PCDHGC3: variants seen among roughly 807,000 people sequenced by gnomAD.
PCDHGC3 encodes protocadherin gamma subfamily C, 3.
In PCDHGC3, 26 loss-of-function variants were observed where a neutral mutation model predicts 59.2. The ratio of observed to expected loss-of-function variants is 0.44; its 90% CI spans 0.32 to 0.61. The LOEUF (loss-of-function observed/expected upper bound fraction) is 0.61. PCDHGC3 is among the 20% of genes least tolerant of loss of function. The pLI, the probability that PCDHGC3 is intolerant of heterozygous loss-of-function variation, is 0.05. For missense variants in PCDHGC3, 1,080 were observed against 1,221.8 expected, an observed-to-expected ratio of 0.88 and a Z score of 1.73; for synonymous variants, 487 against 519.7, an observed-to-expected ratio of 0.94 and a Z score of 0.86.
intron 1 of PCDHGC3, among the ~76,000 whole-genome samples, chr5:141,492,862 G>A (rs2099744602): frequency 6.6e-6 from 1 of 152,198 alleles, no homozygotes. Context: ...GAGCGCCCTG[G>A]CTCTCAACCC....
chr5:141,487,661 C>A lies in PCDHGC3; in HGVS notation c.2431-7146C>A. ...ACAAATGCTTGAGGGTTATTCTGATCCAGGCATATGGCTAGGCCATGTCCT... is the reference window on the plus strand; with the variant it reads ...ACAAATGCTTGAGGGTTATTCTGATACAGGCATATGGCTAGGCCATGTCCT... On this transcript the variant is annotated intron_variant, in intron 1 of 3. Transcript: ENST00000308177. This position sits in a 1 kb window ranked among gnomAD's most constrained non-coding sequence, Gnocchi z 5.0. The A allele has an allele frequency of 6.2e-7, 1 of 1,613,366 alleles. No homozygotes were observed. Among genetic ancestry groups the A allele is most frequent in the Non-Finnish European group, 8.5e-7 (1 of 1,179,646 alleles).
rs747633858 is a variant in PCDHGC3, at chr5:141,491,133, C to T, written c.2431-3674C>T. 6.2e-6 allele frequency: 10 copies of T among 1,614,158 alleles called. No homozygotes were observed. In the South Asian group the frequency reaches 9.9e-5, roughly 16 times the overall value. The stretch of plus-strand genomic sequence containing the variant: ...CACACACTGGTGAGGTGCGCACAGC[C>T]CGGGCCTTACTGGAGGATGACTCTG... On this transcript the variant is annotated intron_variant, in intron 1 of 3. Transcript: ENST00000308177. The surrounding 1 kb of genome is among the most constrained non-coding windows in gnomAD (Gnocchi z 6.9).
At position 141,482,089 on chromosome 5, in the gene PCDHGC3, CAAA is replaced by C. The variant is rs36035257; in HGVS notation, c.2430+3557_2430+3559del. 2.7e-4 allele frequency among the ~76,000 whole-genome samples: 36 copies of C among 134,496 alleles called. No individual in the cohort carries two copies. The East Asian group carries it at 3.5e-3, about 13-fold the overall frequency. The allele number at this position is 134,496 out of a possible 152,430, so 88.2% of individuals were successfully genotyped here. On this transcript the variant is annotated intron_variant, in intron 1 of 3. Coordinates refer to ENST00000308177, the MANE Select transcript of PCDHGC3 (RefSeq NM_002588.4). ...AACAAGAACAAAACTCACTCCATCTCAAAAAAAAAAAAAAAATATCTAGAGATG... is the reference window on the plus strand; with the variant it reads ...AACAAGAACAAAACTCACTCCATCTCAAAAAAAAAAAAATATCTAGAGATG...
rs1009141449 is a variant in PCDHGC3, at chr5:141,491,922, G to A, written c.2431-2885G>A. 2 of 1,349,026 alleles carry A rather than the reference G, an allele frequency of 1.5e-6. No individual in the cohort carries two copies. Among genetic ancestry groups the A allele is most frequent in the African/African-American group, 1.5e-5 (1 of 67,598 alleles). The allele number at this position is 1,349,026 out of a possible 1,614,324, so 83.6% of individuals were successfully genotyped here. On this transcript the variant is annotated intron_variant, in intron 1 of 3. Coordinates refer to ENST00000308177, the MANE Select transcript of PCDHGC3 (RefSeq NM_002588.4). The surrounding 1 kb of genome is among the most constrained non-coding windows in gnomAD (Gnocchi z 6.9). ...CGGGGGTGGTGGCGACTGTGGGCGAGGGGAGGTGGGACCGACCCCCACCCC... is the reference window on the plus strand; with the variant it reads ...CGGGGGTGGTGGCGACTGTGGGCGAAGGGAGGTGGGACCGACCCCCACCCC...
intron 2 of PCDHGC3, among the ~76,000 whole-genome samples, chr5:141,502,124 A>G (rs4912762): frequency 0.55 from 83,213 of 152,012 alleles, 23,486 homozygotes; most frequent in African/African-American, 0.67. Flanking sequence ...CCAGGCCCAC[A>G]GAGCTCAGTC....
chr5:141,478,589 T>C, intron 1 of PCDHGC3, 43 bp downstream of exon 1: 2 of 1,573,336 alleles, frequency 1.3e-6, no homozygotes, highest in Non-Finnish European at 1.7e-6. Context: ...AGTGCTTTTT[T>C]ATTCCTACAT....
chr5:141,494,688 A>T (rs2099756168), intron 1 of PCDHGC3, 119 bp from the exon 2 acceptor site: 1 of 1,576,254 alleles, frequency 6.3e-7, no homozygotes, highest in Non-Finnish European at 8.6e-7. Context: ...GCCCCCTCTT[A>T]GTCCGTTTTC....
chr5:141,505,343 G>C (rs2099845454), intron 2 of PCDHGC3, 50 bp from the exon 3 acceptor site: 1 of 1,612,934 alleles, frequency 6.2e-7, no homozygotes, highest in Non-Finnish European at 8.5e-7. Context: ...GGAGGGGCAT[G>C]AGCTGTGCCG....
At chr5:141,502,708 A>G (rs1172090234) in intron 2 of PCDHGC3, among the ~76,000 whole-genome samples, 1 of 152,204 alleles carries the variant, frequency 6.6e-6, no homozygotes, top group Non-Finnish European at 1.5e-5. Flanking sequence ...CTGTTTTTAC[A>G]TCAGTGATTA....
intron 2 of PCDHGC3, among the ~76,000 whole-genome samples, chr5:141,497,879 G>T (rs62379207): frequency 2.0e-5 from 3 of 152,128 alleles, no homozygotes; most frequent in Admixed American, 6.5e-5. Flanking sequence ...TGAAATAAGC[G>T]TTAGGATCTA....
In PCDHGC3 at chr5:141,489,375, G is replaced by A. The variant is rs768190252; in HGVS notation, c.2431-5432G>A. The A allele has an allele frequency of 1.2e-5, 19 of 1,613,826 alleles. No individual in the cohort carries two copies. The Admixed American group carries it at 3.2e-4, about 27-fold the overall frequency. ...AGGAGTCTGAGCCGGGGACGCTGGT[G>A]GGGAATGTTGCTCAGGATCTGGGCT... On this transcript the variant is annotated intron_variant, in intron 1 of 3. Transcript: ENST00000308177. The surrounding 1 kb of genome is among the most constrained non-coding windows in gnomAD (Gnocchi z 4.5).
intron 2 of PCDHGC3, among the ~76,000 whole-genome samples, chr5:141,503,203 A>G (rs10477147): frequency 0.037 from 5,590 of 152,130 alleles, 132 homozygotes; most frequent in South Asian, 0.073. Flanking sequence ...TCAGCCTCTC[A>G]GTGCCCACCA....
At position 141,491,413 on chromosome 5, in the gene PCDHGC3, G is replaced by A. The variant is rs1193417991; in HGVS notation, c.2431-3394G>A. 5.6e-6 allele frequency: 9 copies of A among 1,613,946 alleles called. No individual in the cohort carries two copies. Among genetic ancestry groups the A allele is most frequent in the Non-Finnish European group, 7.6e-6 (9 of 1,179,986 alleles). On this transcript the variant is annotated intron_variant, in intron 1 of 3. Transcript: ENST00000308177. The surrounding 1 kb of genome is among the most constrained non-coding windows in gnomAD (Gnocchi z 6.9). Reference sequence around the variant, plus strand: ...CCTTCAGGGAAACGCAGACGGGGACGGGGGTGGAGGGCAGTGCTGCAGGCG... The same window carrying A: ...CCTTCAGGGAAACGCAGACGGGGACAGGGGTGGAGGGCAGTGCTGCAGGCG...
intron 1 of PCDHGC3, among the ~76,000 whole-genome samples, chr5:141,482,089 C>CAA (rs36035257): frequency 1.0e-3 from 137 of 134,516 alleles, no homozygotes; most frequent in African/African-American, 1.5e-3. Context: ...CACTCCATCT[C>CAA]AAAAAAAAAA....
Position 141,478,450 on chromosome 5 carries a change from AGCCAGTCCACTGGCCAGCC to A in PCDHGC3, c.2340_2358del (p.Ser780ArgfsTer68), listed in dbSNP as rs1562070520. 1 of 1,613,572 alleles carries A rather than the reference AGCCAGTCCACTGGCCAGCC, an allele frequency of 6.2e-7. No individual in the cohort carries two copies. ...ACCCGCTGCTGAAGAAACCTGGTGC[AGCCAGTCCACTGGCCAGCC>A]GCCAGAACACGCTGCGGAGCTGTGA... On this transcript the variant is annotated frameshift_variant, in exon 1 of 4. Transcript: ENST00000308177. LOFTEE classifies it high-confidence loss of function.
chr5:141,494,818 C>T lies in PCDHGC3; in HGVS notation c.2442C>T (p.Pro814=). The part of the protein sequence containing the change: ...ESAPPGQQAP[P]NTDWRFSQAQ... ...TGTTTTCTCCACAGCAAGCCCCGCCCAACACGGACTGGCGTTTCTCTCAGG... is the reference window on the plus strand; with the variant it reads ...TGTTTTCTCCACAGCAAGCCCCGCCTAACACGGACTGGCGTTTCTCTCAGG... Residue 814 remains proline (P), a synonymous_variant, in exon 2 of 4, where the codon CCC becomes CCT. Transcript: ENST00000308177. 1.9e-6 allele frequency: 3 copies of T among 1,614,152 alleles called. No homozygotes were observed. The highest frequency in any genetic ancestry group is 2.2e-5 in the South Asian group (2 of 91,074).
chr5:141,497,211 G>T (rs914346878), intron 2 of PCDHGC3, among the ~76,000 whole-genome samples: 12 of 28,538 alleles, frequency 4.2e-4, no homozygotes, highest in African/African-American at 1.1e-3. Context: ...GAGTGTAATG[G>T]GGGGGGGAAG....
chr5:141,477,611 C>T lies in PCDHGC3; in HGVS notation c.1495C>T (p.Gln499Ter). Residue 499 changes from glutamine to a stop codon, truncating the protein, a stop_gained, in exon 1 of 4, where the codon CAA becomes TAA. Coordinates refer to ENST00000308177, the MANE Select transcript of PCDHGC3 (RefSeq NM_002588.4). LOFTEE classifies it high-confidence loss of function. This position sits in a 1 kb window ranked among gnomAD's most constrained non-coding sequence, Gnocchi z 4.9. ...NARLSFFLLE[Q>*]GAETGLVGRY... ...TCGGCTTTCTTTCTTTCTCTTGGAG[C>T]AAGGAGCTGAAACCGGGCTAGTGGG... is the stretch of plus-strand genomic sequence containing the variant. The T allele has an allele frequency of 6.2e-7, 1 of 1,614,188 alleles. No homozygotes were observed. The highest frequency in any genetic ancestry group is 8.5e-7 in the Non-Finnish European group (1 of 1,180,036).
In PCDHGC3 at chr5:141,494,676, C is replaced by T. The variant is rs2099755997; in HGVS notation, c.2431-131C>T. On this transcript the variant is annotated intron_variant, in intron 1 of 3. Transcript: ENST00000308177. ...TTTGTCTTTGGAGATGAGTCCACCCCTGCCCCCTCTTAGTCCGTTTTCTTC... is the reference window on the plus strand; with the variant it reads ...TTTGTCTTTGGAGATGAGTCCACCCTTGCCCCCTCTTAGTCCGTTTTCTTC... 1.7e-5 allele frequency: 26 copies of T among 1,550,800 alleles called. No individual in the cohort carries two copies. In the South Asian group the frequency reaches 3.0e-4, roughly 18 times the overall value.
Sources: allele counts gnomAD v4.1 joint callset (sites outside exome capture counted in the v4.1 genomes callset), GRCh38; gene constraint gnomAD v4.1.1; non-coding constraint Gnocchi (gnomAD v3.1); transcripts MANE v1.5; gene names NCBI Gene and HGNC (gene_info 2026-07-23, HGNC 2026-07-21).